CTNNA2: variants seen among roughly 807,000 people sequenced by gnomAD.
CTNNA2 encodes catenin alpha 2, also known as catenin alpha-2.
Under a neutral mutation model 101.0 loss-of-function variants are expected in CTNNA2, and 42 were observed. The observed-to-expected ratio is 0.42, with a 90% CI of 0.32 to 0.54. The LOEUF (loss-of-function observed/expected upper bound fraction) is 0.54, where lower values mean the gene tolerates loss of function less well. Ranked by LOEUF, CTNNA2 falls within the 20% of genes least tolerant of loss-of-function variation. CTNNA2 has a pLI of 0.14. For synonymous variants in CTNNA2, 450 were observed against 456.4 expected, an observed-to-expected ratio of 0.99 and a Z score of 0.18; for missense variants, 871 against 1,223.1, an observed-to-expected ratio of 0.71 and a Z score of 4.29.
At chr2:79,599,093 G>A (rs1677386613) in intron 1 of CTNNA2, among the ~76,000 whole-genome samples, 1 of 152,034 alleles carries the variant, frequency 6.6e-6, no homozygotes, top group African/African-American at 2.4e-5. Context: ...TCTCTTTTGT[G>A]AAAGGTCAGT....
Position 80,430,600 on chromosome 2 carries a change from G to A in CTNNA2, c.1290+10999G>A, listed in dbSNP as rs150282621. On this transcript the variant is annotated intron_variant, in intron 9 of 18. Coordinates refer to ENST00000402739, the MANE Select transcript of CTNNA2 (RefSeq NM_001282597.3). ...TACCCTCACCATAATAAAATCATAA[G>A]CCAGCATACTGGTAATATTGCTTAG... is the stretch of plus-strand genomic sequence containing the variant. Among the ~76,000 whole-genome samples the A allele has an allele frequency of 2.3e-3, 343 of 152,160 alleles. 1 individual carries two copies. Among genetic ancestry groups the A allele is most frequent in the Middle Eastern group, 6.8e-3 (2 of 294 alleles).
intron 11 of CTNNA2, among the ~76,000 whole-genome samples, chr2:80,554,223 T>G (rs752924718): frequency 6.6e-6 from 1 of 152,164 alleles, no homozygotes; most frequent in Non-Finnish European, 1.5e-5. Flanking sequence ...AGACTAGGAT[T>G]TGCTGGATAC....
At chr2:79,366,829 T>G (rs982184845) in intron 3 of CTNNA2, among the ~76,000 whole-genome samples, 1 of 152,224 alleles carries the variant, frequency 6.6e-6, no homozygotes, top group East Asian at 1.9e-4. Context: ...ATAAAATGTA[T>G]AGTATATCAG....
At chr2:79,664,040 T>C (rs1210181441) in intron 2 of CTNNA2, among the ~76,000 whole-genome samples, 2 of 152,238 alleles carry the variant, frequency 1.3e-5, no homozygotes, top group Admixed American at 6.5e-5. Context: ...AAGATAAATA[T>C]ATTTATTAGC....
intron 7 of CTNNA2, among the ~76,000 whole-genome samples, chr2:80,332,902 T>A (rs1033257934): frequency 1.3e-5 from 2 of 152,174 alleles, no homozygotes; most frequent in Non-Finnish European, 2.9e-5. Context: ...AAGATAAGAA[T>A]GAGTTTATGT....
intron 18 of CTNNA2, among the ~76,000 whole-genome samples, chr2:80,637,699 A>C (rs147168757): frequency 6.6e-6 from 1 of 152,272 alleles, no homozygotes; most frequent in Middle Eastern, 3.4e-3. Context: ...TTCCCCCAAC[A>C]TATGAATAAT....
chr2:79,833,229 A>G (rs1679062891), intron 3 of CTNNA2, among the ~76,000 whole-genome samples: 1 of 152,150 alleles, frequency 6.6e-6, no homozygotes, highest in Admixed American at 6.5e-5. Context: ...TGGCTGAAAA[A>G]CGGAGTTATA....
At chr2:80,109,329 A>C (rs1558817299) in intron 7 of CTNNA2, among the ~76,000 whole-genome samples, 1 of 152,004 alleles carries the variant, frequency 6.6e-6, no homozygotes, top group Non-Finnish European at 1.5e-5. Context: ...GGCATGGTGG[A>C]GAGCGCCTGT....
chr2:79,356,777 A>G (rs1358127805), intron 3 of CTNNA2, among the ~76,000 whole-genome samples: 1 of 152,216 alleles, frequency 6.6e-6, no homozygotes, highest in Admixed American at 6.5e-5. Flanking sequence ...CCAGAACACT[A>G]CTTTCTACAC....
intron 4 of CTNNA2, among the ~76,000 whole-genome samples, chr2:79,389,303 A>T (rs898229404): frequency 6.6e-5 from 10 of 152,170 alleles, no homozygotes; most frequent in African/African-American, 2.2e-4. Context: ...AATTTGATTG[A>T]TCTAGGGCTG....
At chr2:79,201,415 T>C (rs1572976064) in intron 2 of CTNNA2, among the ~76,000 whole-genome samples, 1 of 150,046 alleles carries the variant, frequency 6.7e-6, no homozygotes, top group Non-Finnish European at 1.5e-5. Flanking sequence ...CTCTCTACCA[T>C]CCTAGAAGCA....
intron 1 of CTNNA2, among the ~76,000 whole-genome samples, chr2:79,651,046 G>A (rs1230795943): frequency 1.3e-5 from 2 of 152,032 alleles, no homozygotes; most frequent in South Asian, 4.2e-4. Flanking sequence ...TGGAGAAATA[G>A]GAACACTTTT....
chr2:80,417,844 A>T (rs1319286155), intron 8 of CTNNA2, among the ~76,000 whole-genome samples: 2 of 152,112 alleles, frequency 1.3e-5, no homozygotes, highest in Non-Finnish European at 2.9e-5. Context: ...TGGCCTTGAT[A>T]ATTTTAAGTT....
intron 2 of CTNNA2, among the ~76,000 whole-genome samples, chr2:79,661,491 T>TA (rs1682032488): frequency 6.6e-6 from 1 of 152,356 alleles, no homozygotes; most frequent in South Asian, 2.1e-4. Context: ...ATTTTTAATT[T>TA]AAAAAGACAT....
At chr2:79,626,979 C>T (rs887736457) in intron 1 of CTNNA2, among the ~76,000 whole-genome samples, 13 of 152,118 alleles carry the variant, frequency 8.5e-5, no homozygotes, top group African/African-American at 2.7e-4. Flanking sequence ...GATTGTGACT[C>T]TGATAAAGAA....
At chr2:80,626,399 G>T (rs369924494) in intron 18 of CTNNA2, among the ~76,000 whole-genome samples, 1 of 152,134 alleles carries the variant, frequency 6.6e-6, no homozygotes, top group African/African-American at 2.4e-5. Flanking sequence ...AGGTGAGAGG[G>T]TTAAACCAGG....
intron 4 of CTNNA2, among the ~76,000 whole-genome samples, chr2:79,439,776 A>G (rs1225429536): frequency 2.0e-5 from 3 of 152,066 alleles, no homozygotes; most frequent in South Asian, 2.1e-4. Context: ...CAGAAATACA[A>G]ATTTTCTGAC....
At chr2:79,214,373 G>C (rs954962795) in intron 2 of CTNNA2, among the ~76,000 whole-genome samples, 2 of 152,070 alleles carry the variant, frequency 1.3e-5, no homozygotes, top group Non-Finnish European at 2.9e-5. Flanking sequence ...AGGTATTGAG[G>C]ATATGAGAGT....
intron 9 of CTNNA2, among the ~76,000 whole-genome samples, chr2:80,423,807 T>C (rs1680740808): frequency 6.6e-6 from 1 of 152,150 alleles, no homozygotes; most frequent in Admixed American, 6.5e-5. Context: ...GGCATGTGGC[T>C]GGGATCAGGA....
Sources: gnomAD v4.1 joint callset for allele counts (sites outside exome capture counted in the v4.1 genomes callset) on GRCh38, gnomAD v4.1.1 for gene constraint, MANE v1.5 for transcripts, NCBI Gene and HGNC (gene_info 2026-07-23, HGNC 2026-07-21) for gene names.